Variants in ASCL5 observed in about 807,000 individuals in gnomAD.
ASCL5 encodes achaete-scute family bHLH transcription factor 5, also known as achaete-scute homolog 5.
For synonymous variants in ASCL5, 124 were observed against 131.5 expected, an observed-to-expected ratio of 0.94 and a Z score of 0.39; for missense variants, 262 against 268.9, an observed-to-expected ratio of 0.97 and a Z score of 0.18.
chr1:201,114,043 C>CCCCT lies in ASCL5; in HGVS notation c.*708_*709insAGGG, dbSNP rs1663270094. 6.6e-6 allele frequency: 1 copy of CCCCT among 152,124 alleles called. No homozygotes were observed. Among genetic ancestry groups the CCCCT allele is most frequent in the Non-Finnish European group, 1.5e-5 (1 of 68,046 alleles). 9.4% of individuals were successfully genotyped at this position (152,124 alleles called of 1,614,324 possible). A position where few individuals can be genotyped will look rare whatever the true frequency, so the allele number is the denominator to read the frequency against. On this transcript the variant is annotated 3_prime_UTR_variant, in exon 2 of 2. Transcript: ENST00000449188. ...GCCCCCCTCCCCCAAGGCTTACAGT[C>CCCCT]TGAGGGAAAAAAACCACAGTCCCCA...
At chr1:201,125,868 C>A (rs1247326595) in intron 1 of ASCL5, among the ~76,000 whole-genome samples, 1 of 152,164 alleles carries the variant, frequency 6.6e-6, no homozygotes, top group East Asian at 1.9e-4. Context: ...GGTGGTCTCA[C>A]GAGCCGTGTC....
intron 1 of ASCL5, among the ~76,000 whole-genome samples, chr1:201,117,811 T>G (rs1331254606): frequency 6.6e-6 from 1 of 152,224 alleles, no homozygotes. Flanking sequence ...AACCAGAATG[T>G]AAGCAGTCGG....
chr1:201,119,855 A>G (rs1663413858), intron 1 of ASCL5, among the ~76,000 whole-genome samples: 1 of 152,124 alleles, frequency 6.6e-6, no homozygotes, highest in Admixed American at 6.5e-5. Context: ...TGCATTGAGT[A>G]GGCACAGACT....
chr1:201,120,321 C>T (rs1440136383), intron 1 of ASCL5, among the ~76,000 whole-genome samples: 1 of 152,146 alleles, frequency 6.6e-6, no homozygotes, highest in African/African-American at 2.4e-5. Context: ...TCTCACTGTC[C>T]ACACCCCTGG....
chr1:201,122,010 G>A lies in ASCL5; in HGVS notation c.-506+5074C>T, dbSNP rs756609022. ...TAAGCAATCCTTTCAGAATCTTGACGGGTATAGTTTCAACACTGATGGGAG... is the reference window on the plus strand; with the variant it reads ...TAAGCAATCCTTTCAGAATCTTGACAGGTATAGTTTCAACACTGATGGGAG... On this transcript the variant is annotated intron_variant, in intron 1 of 1. Coordinates refer to ENST00000449188, the MANE Select transcript of ASCL5 (RefSeq NM_001270601.2). 2.4e-4 allele frequency among the ~76,000 whole-genome samples: 36 copies of A among 152,284 alleles called. 1 individual carries two copies. The highest frequency in any genetic ancestry group is 4.4e-4 in the Non-Finnish European group (30 of 68,018).
chr1:201,115,059 C>G lies in ASCL5; in HGVS notation c.314G>C (p.Arg105Pro). 1 of 1,232,126 alleles carries G rather than the reference C, an allele frequency of 8.1e-7. No homozygotes were observed. The highest frequency in any genetic ancestry group is 1.0e-6 in the Non-Finnish European group (1 of 988,330). 76.3% of individuals were successfully genotyped at this position (1,232,126 alleles called of 1,614,324 possible). The part of the protein sequence containing the change: ...RVKCVNEGYA[R>P]LRGHLPGALA... ...GGCGCCGGGGAGGTGGCCGCGGAGG[C>G]GAGCGTAGCCCTCGTTGACGCACTT... is the stretch of plus-strand genomic sequence containing the variant. The change falls in exon 2 of 2, where the codon CGC becomes CCC. Residue 105 changes from arginine to proline, a missense_variant. Physicochemically the swap from Arg to Pro is moderately radical, Grantham distance 103. Transcript: ENST00000449188.
Position 201,115,246 on chromosome 1 carries a change from C to G in ASCL5, c.127G>C (p.Val43Leu). Reference protein sequence around the residue: ...PLPPAEPLGNVPFLLYPGPAE... With the variant: ...PLPPAEPLGNLPFLLYPGPAE... Reference sequence around the variant, plus strand: ...GGGCCCGGGTACAGCAGGAAGGGCACGTTGCCCAGGGGCTCGGCGGGGGGC... The same window carrying G: ...GGGCCCGGGTACAGCAGGAAGGGCAGGTTGCCCAGGGGCTCGGCGGGGGGC... The change falls in exon 2 of 2, where the codon GTG becomes CTG. Residue 43 changes from valine (V) to leucine (L), a missense_variant. Transcript: ENST00000449188. 2.4e-6 allele frequency: 3 copies of G among 1,226,978 alleles called. No individual in the cohort carries two copies. The South Asian group carries it at 1.2e-4, about 51-fold the overall frequency. 76.0% of individuals were successfully genotyped at this position (1,226,978 alleles called of 1,614,324 possible). A position where few individuals can be genotyped will look rare whatever the true frequency, so the allele number is the denominator to read the frequency against.
rs1663316401 is a variant in ASCL5 at position 201,115,293 on chromosome 1, G to A, written c.80C>T (p.Pro27Leu). 2 of 1,230,750 alleles carry A rather than the reference G, an allele frequency of 1.6e-6. No homozygotes were observed. The highest frequency in any genetic ancestry group is 2.0e-6 in the Non-Finnish European group (2 of 987,142). The allele number at this position is 1,230,750 out of a possible 1,614,324, so 76.2% of individuals were successfully genotyped here. A position where few individuals can be genotyped will look rare whatever the true frequency, so the allele number is the denominator to read the frequency against. The stretch of plus-strand genomic sequence containing the variant: ...GGGCAGGGGCGCCTGCCGGGGAGGG[G>A]GCATGACGCCCAGCTGCATGCAGCT... ...PPSCMQLGVM[P>L]PPRQAPLPPA... Residue 27 changes from proline to leucine, a missense_variant, in exon 2 of 2, where the codon CCC (proline) becomes CTC (leucine). By Grantham distance (98) the Pro-to-Leu change is moderately conservative (BLOSUM62 -3). Transcript: ENST00000449188.
chr1:201,116,371 C>T (rs1167799350), intron 1 of ASCL5, among the ~76,000 whole-genome samples: 1 of 152,144 alleles, frequency 6.6e-6, no homozygotes, highest in Non-Finnish European at 1.5e-5. Context: ...GTAGGTGTTG[C>T]TGGTCCATTC....
chr1:201,118,349 C>T (rs1028015972), intron 1 of ASCL5, among the ~76,000 whole-genome samples: 5 of 152,032 alleles, frequency 3.3e-5, no homozygotes, highest in Non-Finnish European at 7.4e-5. Context: ...GGTTTGGTGG[C>T]ATGTGCCTGT....
In ASCL5 at chr1:201,115,423, G is replaced by T; in HGVS notation, c.-51C>A. The T allele has an allele frequency of 8.1e-7, 1 of 1,228,596 alleles. No individual in the cohort carries two copies. The highest frequency in any genetic ancestry group is 1.0e-6 in the Non-Finnish European group (1 of 985,214). The allele number at this position is 1,228,596 out of a possible 1,614,324, so 76.1% of individuals were successfully genotyped here. On this transcript the variant is annotated 5_prime_UTR_variant, in exon 2 of 2. Coordinates refer to ENST00000449188, the MANE Select transcript of ASCL5 (RefSeq NM_001270601.2). ...GCGAGGCCTCCACCGAATGGCCCCG[G>T]CTTGGGGTCTGCACCGTCTCCACCA...
At chr1:201,117,154 G>A (rs1663365806) in intron 1 of ASCL5, among the ~76,000 whole-genome samples, 1 of 152,186 alleles carries the variant, frequency 6.6e-6, no homozygotes, top group Non-Finnish European at 1.5e-5. Flanking sequence ...AGTGAAACCA[G>A]GCCGGGCATG....
At chr1:201,120,089 T>C (rs1663421321) in intron 1 of ASCL5, among the ~76,000 whole-genome samples, 1 of 152,224 alleles carries the variant, frequency 6.6e-6, no homozygotes, top group Admixed American at 6.5e-5. Context: ...GCCTGCAGTC[T>C]ACGCTCAGTT....
chr1:201,114,819 G>A lies in ASCL5; in HGVS notation c.554C>T (p.Pro185Leu). 1 of 1,230,906 alleles carries A rather than the reference G, an allele frequency of 8.1e-7. No homozygotes were observed. The highest frequency in any genetic ancestry group is 1.0e-6 in the Non-Finnish European group (1 of 987,490). The allele number at this position is 1,230,906 out of a possible 1,614,324, so 76.2% of individuals were successfully genotyped here. ...GAAGCAGGAGGACTCGGATGACTCCGGCACCAGGGAGGAGGGCGCCCGGGC... is the reference window on the plus strand; with the variant it reads ...GAAGCAGGAGGACTCGGATGACTCCAGCACCAGGGAGGAGGGCGCCCGGGC... ...GEARAPSSLV[P>L]ESSESSCFSP... The change falls in exon 2 of 2, where the codon CCG becomes CTG. Residue 185 changes from proline to leucine, a missense_variant. Transcript: ENST00000449188.
intron 1 of ASCL5, among the ~76,000 whole-genome samples, chr1:201,118,026 AC>A (rs1217464746): frequency 6.6e-6 from 1 of 152,222 alleles, no homozygotes; most frequent in Middle Eastern, 3.2e-3. Flanking sequence ...AACAAGTACA[AC>A]TTACTATTTG....
chr1:201,126,687 G>A, intron 1 of ASCL5, among the ~76,000 whole-genome samples: 1 of 152,178 alleles, frequency 6.6e-6, no homozygotes. Flanking sequence ...TTAAGTAATG[G>A]AGCTAGGGTG....
rs917778181 is a variant in ASCL5 at position 201,115,621 on chromosome 1, C to T, written c.-249G>A. The T allele has an allele frequency of 5.5e-5, 18 of 329,128 alleles. No homozygotes were observed. The highest frequency in any genetic ancestry group is 1.3e-4 in the African/African-American group (6 of 47,192). The allele number at this position is 329,128 out of a possible 1,614,324, so 20.4% of individuals were successfully genotyped here. ...CCTTCTCAGAGCCAGCCCATGGCGC[C>T]GCGGAACTCTGAGGGCCCGCACCCC... On this transcript the variant is annotated 5_prime_UTR_variant, in exon 2 of 2. Coordinates refer to ENST00000449188, the MANE Select transcript of ASCL5 (RefSeq NM_001270601.2).
intron 1 of ASCL5, among the ~76,000 whole-genome samples, chr1:201,116,233 C>A (rs1277163201): frequency 6.6e-6 from 1 of 152,228 alleles, no homozygotes; most frequent in East Asian, 1.9e-4. Context: ...TAAGTCTCAT[C>A]ACTGATCCCT....
chr1:201,114,709 G>A lies in ASCL5; in HGVS notation c.*43C>T, dbSNP rs748710403. 10 of 1,229,072 alleles carry A rather than the reference G, an allele frequency of 8.1e-6. No individual in the cohort carries two copies. The highest frequency in any genetic ancestry group is 1.0e-5 in the Non-Finnish European group (10 of 986,182). The allele number at this position is 1,229,072 out of a possible 1,614,324, so 76.1% of individuals were successfully genotyped here. On this transcript the variant is annotated 3_prime_UTR_variant, in exon 2 of 2. Transcript: ENST00000449188. ...CCGCTGCTCCCGAAAGTGGGACGGG[G>A]CCGGCGGATCATCCTCCAAGCCGGG...
Sources: allele counts gnomAD v4.1 joint callset (sites outside exome capture counted in the v4.1 genomes callset), GRCh38; gene constraint gnomAD v4.1.1; transcripts MANE v1.5; gene names NCBI Gene and HGNC (gene_info 2026-07-23, HGNC 2026-07-21).